Variants in STARD7 observed in about 807,000 individuals in gnomAD.
STARD7 encodes the protein stAR-related lipid transfer protein 7, mitochondrial.
STARD7 carries 30 observed loss-of-function variants against 45.3 expected under a neutral mutation model. The observed-to-expected ratio is 0.66, with a 90% CI of 0.50 to 0.90. The LOEUF is 0.90. STARD7 is among the 40% of genes least tolerant of loss of function. STARD7 has a pLI of 0.00. For synonymous variants in STARD7, 199 were observed against 183.0 expected, an observed-to-expected ratio of 1.09 and a Z score of -0.70; for missense variants, 495 against 491.3, an observed-to-expected ratio of 1.01 and a Z score of -0.07.
chr2:96,208,055 G>C, intron 1 of STARD7, 90 bp downstream of exon 1: 1 of 1,281,826 alleles, frequency 7.8e-7, no homozygotes, highest in African/African-American at 1.5e-5. Context: ...AGACCACCGG[G>C]TAAACAAGGG....
At chr2:96,190,020 C>A (rs1188974853) in intron 6 of STARD7, among the ~76,000 whole-genome samples, 1 of 152,058 alleles carries the variant, frequency 6.6e-6, no homozygotes, top group Non-Finnish European at 1.5e-5. Context: ...TTGGTTCTGT[C>A]TTCTGAAAAG....
rs1335334292 is a variant in STARD7, at chr2:96,185,290, G to A, written c.*1440C>T. The stretch of plus-strand genomic sequence containing the variant: ...GCAGCTACTTCCTTGGCACAAAAAT[G>A]AACAGGCAACAAGAAGGTCAAGGAA... On this transcript the variant is annotated 3_prime_UTR_variant, in exon 8 of 8. Transcript: ENST00000337288. The A allele has an allele frequency of 6.6e-6, 1 of 152,604 alleles. No individual in the cohort carries two copies. The highest frequency in any genetic ancestry group is 1.9e-4 in the East Asian group (1 of 5,174). The allele number at this position is 152,604 out of a possible 1,614,324, so 9.5% of individuals were successfully genotyped here. A position where few individuals can be genotyped will look rare whatever the true frequency, so the allele number is the denominator to read the frequency against.
At position 96,187,205 on chromosome 2, in the gene STARD7, G is replaced by A; in HGVS notation, c.928+12C>T. ...CCCAGGTTCCAGGCCCTGTATACTT[G>A]CCCTTACTTACCACTGGAAACCATC... On this transcript the variant is annotated intron_variant, in intron 7 of 7. Transcript: ENST00000337288. The A allele has an allele frequency of 6.2e-7, 1 of 1,600,252 alleles. No homozygotes were observed. Among genetic ancestry groups the A allele is most frequent in the Non-Finnish European group, 8.6e-7 (1 of 1,167,788 alleles).
chr2:96,191,189 G>A (rs1683120562), intron 6 of STARD7, among the ~76,000 whole-genome samples: 1 of 152,136 alleles, frequency 6.6e-6, no homozygotes, highest in South Asian at 2.1e-4. Flanking sequence ...ATCCTTATTT[G>A]AGATAAATAC....
intron 1 of STARD7, among the ~76,000 whole-genome samples, chr2:96,201,532 G>A (rs1011787723): frequency 6.6e-6 from 1 of 151,628 alleles, no homozygotes; most frequent in Non-Finnish European, 1.5e-5. Context: ...GGACTGTAGC[G>A]AGCCAAAATC....
chr2:96,195,177 GA>G (rs1683182826), intron 2 of STARD7, 163 bp downstream of exon 2: 1 of 817,818 alleles, frequency 1.2e-6, no homozygotes, highest in Non-Finnish European at 1.9e-6. Flanking sequence ...TGTAAGCAAA[GA>G]CAACACTGAG....
intron 6 of STARD7, among the ~76,000 whole-genome samples, chr2:96,191,028 G>A (rs902312801): frequency 2.6e-5 from 4 of 152,222 alleles, no homozygotes; most frequent in African/African-American, 9.6e-5. Flanking sequence ...AGCCTGACAT[G>A]TTGGCACACG....
Position 96,186,809 on chromosome 2 carries a change from C to T in STARD7, c.1034G>A (p.Ser345Asn), listed in dbSNP as rs570567633. The T allele has an allele frequency of 1.4e-5, 22 of 1,613,988 alleles. No homozygotes were observed. In the South Asian group the frequency reaches 2.1e-4, roughly 15 times the overall value. The change falls in exon 8 of 8, where the codon AGT becomes AAT. Residue 345 changes from serine (S) to asparagine (N), a missense_variant. Ser to Asn is a conservative substitution (Grantham distance 46, BLOSUM62 1). Transcript: ENST00000337288. ...GGACTGGCTGGTGGCCTTGGCTTCA[C>T]TACTCATTTCCAGAGGCTTAGCTGA... ...YISAKPLEMSSEAKATSQSSE... is the reference protein window; with the variant it reads ...YISAKPLEMSNEAKATSQSSE...
Position 96,208,223 on chromosome 2 carries a change from T to G in STARD7, c.212A>C (p.His71Pro). 1 of 1,612,550 alleles carries G rather than the reference T, an allele frequency of 6.2e-7. No homozygotes were observed. ...TAACGCCGCCATCAAGGCAGAGGCA[T>G]GGCCAGGACGGCCGTGCAGCCGGCG... ...LWRRLHGRPG[H>P]ASALMAALAG... is the part of the protein sequence containing the mutation. Residue 71 changes from histidine (H) to proline (P), a missense_variant, in exon 1 of 8, where the codon CAT becomes CCT. Around this residue, in one of 2 missense-constraint regions of STARD7, gnomAD observed 282 missense variants for 220.1 expected, o/e 1.28. Transcript: ENST00000337288.
chr2:96,195,441 A>C lies in STARD7; in HGVS notation c.399T>G (p.Asp133Glu). The change falls in exon 2 of 8, where the codon GAT becomes GAG. Residue 133 changes from aspartate (D) to glutamate (E), a missense_variant. This residue lies in a region of STARD7 where 282 missense variants were observed against 220.1 expected (regional missense o/e 1.28). Coordinates refer to ENST00000337288, the MANE Select transcript of STARD7 (RefSeq NM_020151.4). Reference sequence around the variant, plus strand: ...CCCAACGTTGCTCTTTGCCCTCTGAATCTTCATTCCCTTCTGTTTGGGCTT... The same window carrying C: ...CCCAACGTTGCTCTTTGCCCTCTGACTCTTCATTCCCTTCTGTTTGGGCTT... ...EPKAQTEGNE[D>E]SEGKEQRWEM... 2 of 1,613,404 alleles carry C rather than the reference A, an allele frequency of 1.2e-6. No individual in the cohort carries two copies. Among genetic ancestry groups the C allele is most frequent in the Non-Finnish European group, 1.7e-6 (2 of 1,179,682 alleles).
Position 96,192,469 on chromosome 2 carries a change from C to T in STARD7, c.744-1G>A, listed in dbSNP as rs772291787. 6.2e-7 allele frequency: 1 copy of T among 1,612,464 alleles called. No individual in the cohort carries two copies. Among genetic ancestry groups the T allele is most frequent in the South Asian group, 1.1e-5 (1 of 91,054 alleles). ...TGGCACACTCGGATGCTCCACAGCA[C>T]TGGTAAGGAGGAAAGGAGAAGCAAA... is the stretch of plus-strand genomic sequence containing the variant. On this transcript the variant is annotated splice_acceptor_variant, in intron 5 of 7. Transcript: ENST00000337288. LOFTEE classifies it high-confidence loss of function.
chr2:96,204,129 C>A (rs1325865412), intron 1 of STARD7, among the ~76,000 whole-genome samples: 1 of 151,806 alleles, frequency 6.6e-6, no homozygotes, highest in Non-Finnish European at 1.5e-5. Context: ...CGTGGTGGCA[C>A]CCCCGCTGTA....
At chr2:96,197,105 A>AAACC (rs1558735872) in intron 1 of STARD7, among the ~76,000 whole-genome samples, 1 of 141,490 alleles carries the variant, frequency 7.1e-6, no homozygotes, top group Non-Finnish European at 1.6e-5. Flanking sequence ...ATAAAATAAA[A>AAACC]TAAAATAAAA....
At chr2:96,197,936 A>T (rs758558772) in intron 1 of STARD7, among the ~76,000 whole-genome samples, 10 of 152,192 alleles carry the variant, frequency 6.6e-5, no homozygotes, top group Non-Finnish European at 1.3e-4. Flanking sequence ...GTATGGATAG[A>T]TCGCATTTTG....
intron 3 of STARD7, among the ~76,000 whole-genome samples, chr2:96,194,114 T>C (rs1470851524): frequency 1.3e-5 from 2 of 152,146 alleles, no homozygotes; most frequent in Non-Finnish European, 2.9e-5. Flanking sequence ...ATCCCGGCAC[T>C]TTGGGAGGCA....
In STARD7 at chr2:96,190,567, A is replaced by C. The variant is rs1027248229; in HGVS notation, c.843+1802T>G. Among the ~76,000 whole-genome samples, 8 of 151,830 alleles carry C rather than the reference A, an allele frequency of 5.3e-5. No individual in the cohort carries two copies. The East Asian group carries it at 5.8e-4, about 11-fold the overall frequency. On this transcript the variant is annotated intron_variant, in intron 6 of 7. Coordinates refer to ENST00000337288, the MANE Select transcript of STARD7 (RefSeq NM_020151.4). ...TGGCCAGGCTGGTCTCAAAATCCTGACCTCAAGTTATCTACATGCCTCGGC... is the reference window on the plus strand; with the variant it reads ...TGGCCAGGCTGGTCTCAAAATCCTGCCCTCAAGTTATCTACATGCCTCGGC...
intron 3 of STARD7, 106 bp downstream of exon 3, chr2:96,194,852 T>C: frequency 1.1e-6 from 1 of 871,222 alleles, no homozygotes; most frequent in Non-Finnish European, 1.8e-6. Context: ...GGTAGATAGA[T>C]GGATGTACTT....
intron 1 of STARD7, 65 bp from the exon 2 acceptor site, chr2:96,195,614 C>T (rs1479763502): frequency 1.5e-6 from 2 of 1,300,016 alleles, no homozygotes; most frequent in East Asian, 2.4e-5. Context: ...AGTGTCCACA[C>T]AAAGGTCTGT....
At position 96,208,429 on chromosome 2, in the gene STARD7, G is replaced by T. The variant is rs1270482583; in HGVS notation, c.6C>A (p.Leu2=). M[L]PRRLLAAWLA... ...GCCAGGCGGCCAGCAGCCTCCGCGGGAGCATGCCGCCTCCCGCAGGGCCCG... is the reference window on the plus strand; with the variant it reads ...GCCAGGCGGCCAGCAGCCTCCGCGGTAGCATGCCGCCTCCCGCAGGGCCCG... Residue 2 remains leucine, a synonymous_variant, in exon 1 of 8, where the codon CTC becomes CTA. Transcript: ENST00000337288. The T allele has an allele frequency of 1.5e-6, 2 of 1,377,378 alleles. No individual in the cohort carries two copies. Among genetic ancestry groups the T allele is most frequent in the Non-Finnish European group, 9.3e-7 (1 of 1,076,532 alleles). 85.3% of individuals were successfully genotyped at this position (1,377,378 alleles called of 1,614,324 possible).
Sources: gnomAD v4.1 joint callset for allele counts (sites outside exome capture counted in the v4.1 genomes callset) on GRCh38, gnomAD v4.1.1 for gene constraint, gnomAD v4.1.1 regional missense constraint, MANE v1.5 for transcripts, NCBI Gene and HGNC (gene_info 2026-07-23, HGNC 2026-07-21) for gene names.